Variants in ROCK2 observed in about 807,000 individuals in gnomAD.
ROCK2 encodes the protein rho-associated protein kinase 2.
In ROCK2, 61 loss-of-function variants were observed where a neutral mutation model predicts 195.1. The ratio of observed to expected loss-of-function variants is 0.31; its 90% CI spans 0.25 to 0.39. ROCK2 has a LOEUF of 0.39. ROCK2 is among the 10% of genes least tolerant of loss of function. ROCK2 has a pLI of 1.00. For missense variants in ROCK2, 1,109 were observed against 1,637.4 expected, an observed-to-expected ratio of 0.68 and a Z score of 5.57; for synonymous variants, 504 against 545.5, an observed-to-expected ratio of 0.92 and a Z score of 1.06.
chr2:11,280,517 G>A lies in ROCK2; in HGVS notation c.324+6022C>T, dbSNP rs566375565. On this transcript the variant is annotated intron_variant, in intron 3 of 32. Coordinates refer to ENST00000315872, the MANE Select transcript of ROCK2 (RefSeq NM_004850.5). ...ATGGTGGTGCACACCTGTAGTCTCA[G>A]CTACTAGGAGGCTGGGGTGGGAGGA... 6.8e-4 allele frequency among the ~76,000 whole-genome samples: 104 copies of A among 151,882 alleles called. 3 individuals carry two copies. In the South Asian group the frequency reaches 0.021, roughly 30 times the overall value.
intron 30 of ROCK2, among the ~76,000 whole-genome samples, chr2:11,193,417 A>T (rs976686631): frequency 2.0e-5 from 3 of 152,190 alleles, no homozygotes; most frequent in Admixed American, 6.5e-5. Context: ...TACCTCCATA[A>T]CTGACTTTTC....
At chr2:11,207,528 T>C (rs1475094242) in intron 20 of ROCK2, among the ~76,000 whole-genome samples, 198 bp downstream of exon 20, 1 of 152,150 alleles carries the variant, frequency 6.6e-6, no homozygotes, top group African/African-American at 2.4e-5. Flanking sequence ...TGTAATTAGG[T>C]AGCAGCAGTA....
chr2:11,307,282 T>C (rs1219033377), intron 1 of ROCK2, among the ~76,000 whole-genome samples: 1 of 152,224 alleles, frequency 6.6e-6, no homozygotes, highest in Non-Finnish European at 1.5e-5. Flanking sequence ...CTTTCTTGCA[T>C]AATTGTCACC....
intron 1 of ROCK2, among the ~76,000 whole-genome samples, chr2:11,325,551 T>C (rs972793052): frequency 6.6e-6 from 1 of 152,150 alleles, no homozygotes; most frequent in African/African-American, 2.4e-5. Flanking sequence ...AGTTATTTAA[T>C]ATGGGGTGGG....
intron 1 of ROCK2, among the ~76,000 whole-genome samples, chr2:11,332,015 C>T (rs959459223): frequency 6.6e-5 from 10 of 152,068 alleles, no homozygotes; most frequent in Admixed American, 2.0e-4. Context: ...CAGTGGCATG[C>T]ACCTGTAGTC....
At chr2:11,189,554 T>C (rs1663335444) in intron 32 of ROCK2, among the ~76,000 whole-genome samples, 1 of 152,222 alleles carries the variant, frequency 6.6e-6, no homozygotes, top group Non-Finnish European at 1.5e-5. Context: ...TTTCAAATAA[T>C]GTCTTTAGAG....
At position 11,250,682 on chromosome 2, in the gene ROCK2, C is replaced by A. The variant is rs573578242; in HGVS notation, c.325-884G>T. Among the ~76,000 whole-genome samples the A allele has an allele frequency of 2.0e-5, 3 of 152,312 alleles. No homozygotes were observed. The South Asian group carries it at 6.2e-4, about 32-fold the overall frequency. ...GCTCTAGCTAAAAAAACCTCTGGCA[C>A]CTCTTTTTCTCTCAAACAACTTATC... On this transcript the variant is annotated intron_variant, in intron 3 of 32. Coordinates refer to ENST00000315872, the MANE Select transcript of ROCK2 (RefSeq NM_004850.5).
At chr2:11,252,536 G>C (rs565254334) in intron 3 of ROCK2, among the ~76,000 whole-genome samples, 1 of 152,238 alleles carries the variant, frequency 6.6e-6, no homozygotes, top group East Asian at 1.9e-4. Flanking sequence ...CAACAGCAAA[G>C]ACTTGGAACC....
At chr2:11,274,502 G>C (rs532459193) in intron 3 of ROCK2, among the ~76,000 whole-genome samples, 1 of 152,076 alleles carries the variant, frequency 6.6e-6, no homozygotes, top group South Asian at 2.1e-4. Flanking sequence ...TTAACAAATA[G>C]AATAACTTAG....
At chr2:11,195,367 A>C (rs1026220185) in intron 27 of ROCK2, among the ~76,000 whole-genome samples, 2 of 151,068 alleles carry the variant, frequency 1.3e-5, no homozygotes, top group African/African-American at 4.8e-5. Flanking sequence ...TCACTGGTAC[A>C]CCTGCCTTAG....
In ROCK2 at chr2:11,287,842, A is replaced by G. The variant is rs1357860845; in HGVS notation, c.142-106T>C. 7.1e-5 allele frequency: 29 copies of G among 411,230 alleles called. No individual in the cohort carries two copies. In the East Asian group the frequency reaches 1.1e-3, roughly 15 times the overall value. 25.5% of individuals were successfully genotyped at this position (411,230 alleles called of 1,614,324 possible). A position where few individuals can be genotyped will look rare whatever the true frequency, so the allele number is the denominator to read the frequency against. ...TGTCATTTTCACCAGGAAAATGCCAACCCACTTTGATATGATAGTGTCCAT... is the reference window on the plus strand; with the variant it reads ...TGTCATTTTCACCAGGAAAATGCCAGCCCACTTTGATATGATAGTGTCCAT... On this transcript the variant is annotated intron_variant, in intron 1 of 32. Coordinates refer to ENST00000315872, the MANE Select transcript of ROCK2 (RefSeq NM_004850.5).
intron 12 of ROCK2, among the ~76,000 whole-genome samples, chr2:11,216,852 T>C (rs1412517252): frequency 6.6e-6 from 1 of 152,154 alleles, no homozygotes; most frequent in Non-Finnish European, 1.5e-5. Context: ...GCCTCCCAGG[T>C]AGCTGGGATT....
intron 4 of ROCK2, among the ~76,000 whole-genome samples, chr2:11,246,020 T>C (rs1572298013): frequency 6.6e-6 from 1 of 152,310 alleles, no homozygotes; most frequent in East Asian, 1.9e-4. Flanking sequence ...CCAGTCACTA[T>C]AACCAAGGAG....
intron 1 of ROCK2, among the ~76,000 whole-genome samples, chr2:11,292,255 T>C (rs1667384872): frequency 6.6e-6 from 1 of 152,188 alleles, no homozygotes; most frequent in African/African-American, 2.4e-5. Flanking sequence ...CCAAAAACTT[T>C]AACTACATTA....
upstream of ROCK2, among the ~76,000 whole-genome samples, chr2:11,344,767 G>A (rs565902541): frequency 3.3e-5 from 5 of 149,898 alleles, no homozygotes; most frequent in South Asian, 2.1e-4. The surrounding 1 kb of genome is among the most constrained non-coding windows in gnomAD (Gnocchi z 5.4). Flanking sequence ...TTCCCTTCCT[G>A]CGTCTGTCCC....
intron 1 of ROCK2, chr2:11,308,020 C>G: frequency 1.3e-6 from 2 of 1,562,452 alleles, no homozygotes; most frequent in South Asian, 2.3e-5. Flanking sequence ...GGGTGGGGAC[C>G]AGCCATGTCA....
chr2:11,344,514 G>A lies in ROCK2; in HGVS notation c.-378C>T. 1.0e-6 allele frequency: 1 copy of A among 986,804 alleles called. No individual in the cohort carries two copies. Among genetic ancestry groups the A allele is most frequent in the Non-Finnish European group, 1.2e-6 (1 of 831,632 alleles). 61.1% of individuals were successfully genotyped at this position (986,804 alleles called of 1,614,324 possible). On this transcript the variant is annotated 5_prime_UTR_variant, in exon 1 of 33. Transcript: ENST00000315872. This position sits in a 1 kb window ranked among gnomAD's most constrained non-coding sequence, Gnocchi z 5.4. ...ACCGCCCCGCCCTCTGGGGCCCCGG[G>A]AGGCTGAAGCCCAGGCCTGGGCCAC...
At chr2:11,297,550 GT>G (rs568755602) in intron 1 of ROCK2, among the ~76,000 whole-genome samples, 1 of 150,530 alleles carries the variant, frequency 6.6e-6, no homozygotes, top group Non-Finnish European at 1.5e-5. Context: ...GTCATATGTT[GT>G]TTTTTTTTCT....
chr2:11,273,267 A>G (rs1666710650), intron 3 of ROCK2, among the ~76,000 whole-genome samples: 1 of 152,182 alleles, frequency 6.6e-6, no homozygotes, highest in South Asian at 2.1e-4. Flanking sequence ...TGCATTGTCC[A>G]TAAGATAATC....
Sources: allele counts gnomAD v4.1 joint callset (sites outside exome capture counted in the v4.1 genomes callset), GRCh38; gene constraint gnomAD v4.1.1; non-coding constraint Gnocchi (gnomAD v3.1); transcripts MANE v1.5; gene names NCBI Gene and HGNC (gene_info 2026-07-23, HGNC 2026-07-21).